Variants in HEXB observed in about 807,000 individuals in gnomAD.
HEXB encodes hexosaminidase subunit beta, also known as beta-hexosaminidase subunit beta.
Under a neutral mutation model 71.2 loss-of-function variants are expected in HEXB, and 51 were observed. The observed-to-expected ratio is 0.72, with a 90% CI of 0.57 to 0.90. The LOEUF (loss-of-function observed/expected upper bound fraction) is 0.90. Ranked by LOEUF, HEXB falls within the 40% of genes least tolerant of loss-of-function variation. The pLI is 0.00. For missense variants in HEXB, 617 were observed against 677.0 expected (o/e 0.91, Z 0.98); for synonymous variants, 266 against 249.3 (o/e 1.07, Z -0.63).
At chr5:74,719,983 T>C (rs1038915455) in intron 11 of HEXB, 3 of 183,268 alleles carry the variant, frequency 1.6e-5, no homozygotes, top group African/African-American at 7.2e-5. Context: ...CAATTTCTGT[T>C]TTAAATGCCA....
chr5:74,717,609 A>G (rs1218657743), intron 9 of HEXB, among the ~76,000 whole-genome samples: 3 of 152,042 alleles, frequency 2.0e-5, no homozygotes, highest in Admixed American at 2.0e-4. Context: ...GCCACATACA[A>G]TTGCCCATGG....
At chr5:74,713,358 A>G (rs896554060) in intron 6 of HEXB, 148 bp from the exon 7 acceptor site, 1 of 737,574 alleles carries the variant, frequency 1.4e-6, no homozygotes, top group Non-Finnish European at 2.3e-6. Context: ...ATTATTTTTA[A>G]ATGAGTCATC....
At chr5:74,664,448 A>AAAC (rs1748396398) in intron 1 of HEXB, among the ~76,000 whole-genome samples, 1 of 126,540 alleles carries the variant, frequency 7.9e-6, no homozygotes, top group Non-Finnish European at 1.7e-5. Flanking sequence ...AAAAAAAAAA[A>AAAC]AAAAACAGAG....
rs373061260 is a variant in HEXB at position 74,664,615 on chromosome 5, C to T, written c.-377+24057C>T. Among the ~76,000 whole-genome samples, 15 of 151,260 alleles carry T rather than the reference C, an allele frequency of 9.9e-5. No individual in the cohort carries two copies. In the South Asian group the frequency reaches 1.9e-3, roughly 19 times the overall value. On this transcript the variant is annotated intron_variant, in intron 1 of 13. Transcript: ENST00000511181. ...AAACAAATTTAAGAAAAGTGGAAATCGATAATCTGATTTCAAGCTGGGAAA... is the reference window on the plus strand; with the variant it reads ...AAACAAATTTAAGAAAAGTGGAAATTGATAATCTGATTTCAAGCTGGGAAA...
chr5:74,689,061 A>G (rs188736737), intron 1 of HEXB, among the ~76,000 whole-genome samples: 2 of 152,268 alleles, frequency 1.3e-5, no homozygotes, highest in Admixed American at 6.5e-5. Flanking sequence ...ACGGGGCTTC[A>G]TATGTCACTT....
At chr5:74,663,002 T>C (rs1188974515) in intron 1 of HEXB, among the ~76,000 whole-genome samples, 1 of 152,198 alleles carries the variant, frequency 6.6e-6, no homozygotes, top group East Asian at 1.9e-4. Context: ...GATTTTTTAA[T>C]TCTTCAAACC....
In HEXB at chr5:74,718,821, G is replaced by A. The variant is rs1170277224; in HGVS notation, c.1267G>A (p.Val423Ile). 1.2e-6 allele frequency: 2 copies of A among 1,614,010 alleles called. No homozygotes were observed. Among genetic ancestry groups the A allele is most frequent in the African/African-American group, 2.7e-5 (2 of 74,914 alleles). Reference sequence around the variant, plus strand: ...GCTTGCGCCGGGCACAATAGTTGAAGTATGGAAAGACAGCGCATATCCTGA... The same window carrying A: ...GCTTGCGCCGGGCACAATAGTTGAAATATGGAAAGACAGCGCATATCCTGA... ...AKLAPGTIVE[V>I]WKDSAYPEEL... Residue 423 changes from valine to isoleucine, a missense_variant, in exon 11 of 14, where the codon GTA becomes ATA. By Grantham distance (29) the Val-to-Ile change is conservative. Coordinates refer to ENST00000261416, the MANE Select transcript of HEXB (RefSeq NM_000521.4).
chr5:74,698,421 CT>C (rs1749168975), intron 5 of HEXB, among the ~76,000 whole-genome samples: 1 of 148,586 alleles, frequency 6.7e-6, no homozygotes, highest in South Asian at 2.1e-4. Context: ...TAGTTGAAGT[CT>C]TGCTCTGTCG....
At chr5:74,694,280 G>A (rs1267849911) in intron 3 of HEXB, among the ~76,000 whole-genome samples, 2 of 152,222 alleles carry the variant, frequency 1.3e-5, no homozygotes, top group Non-Finnish European at 2.9e-5. Flanking sequence ...GGACTGTAAT[G>A]TTTATAGCAC....
chr5:74,674,991 A>C (rs11748221), intron 1 of HEXB, among the ~76,000 whole-genome samples: 21,958 of 152,182 alleles, frequency 0.14, 1,830 homozygotes, highest in East Asian at 0.26. Flanking sequence ...TGGTAAAGAA[A>C]AAATTATTTG....
Position 74,720,475 on chromosome 5 carries a change from TG to T in HEXB, c.1469del (p.Gly490GlufsTer40). Reference sequence around the variant, plus strand: ...TTTCATTGGTGGAGAAGCTTGTCTATGGGGAGAATATGTGGATGCAACTAAC... The same window carrying T: ...TTTCATTGGTGGAGAAGCTTGTCTATGGGAGAATATGTGGATGCAACTAAC... ...QLFIGGEACL[W>X]GEYVDATNLT... On this transcript the variant is annotated frameshift_variant, in exon 12 of 14. Coordinates refer to ENST00000261416, the MANE Select transcript of HEXB (RefSeq NM_000521.4). LOFTEE classifies it high-confidence loss of function. 1 of 1,613,740 alleles carries T rather than the reference TG, an allele frequency of 6.2e-7. No individual in the cohort carries two copies. Among genetic ancestry groups the T allele is most frequent in the African/African-American group, 1.3e-5 (1 of 75,050 alleles).
intron 5 of HEXB, among the ~76,000 whole-genome samples, chr5:74,700,163 C>T (rs1749228582): frequency 6.6e-6 from 1 of 151,244 alleles, no homozygotes; most frequent in South Asian, 2.1e-4. Flanking sequence ...TGCACCACCA[C>T]ACCCGGCTAA....
At chr5:74,658,633 G>C (rs2112085120) in intron 1 of HEXB, among the ~76,000 whole-genome samples, 1 of 152,132 alleles carries the variant, frequency 6.6e-6, no homozygotes. Context: ...AGCTTCCCTG[G>C]GTGGTAATAT....
chr5:74,665,414 C>G (rs931991180), intron 1 of HEXB, among the ~76,000 whole-genome samples: 5 of 150,094 alleles, frequency 3.3e-5, no homozygotes, highest in Admixed American at 1.3e-4. Context: ...ACACTTTTCT[C>G]TGTGTGTGTG....
intron 9 of HEXB, among the ~76,000 whole-genome samples, chr5:74,717,066 T>A (rs542141534): frequency 4.3e-4 from 66 of 152,296 alleles, no homozygotes; most frequent in African/African-American, 1.5e-3. Context: ...GGCAGGTGCC[T>A]GTAGTCCCAG....
rs892749115 is a variant in HEXB, at chr5:74,641,894, C to G, written c.-377+1336C>G. Among the ~76,000 whole-genome samples, 1 of 152,172 alleles carries G rather than the reference C, an allele frequency of 6.6e-6. No individual in the cohort carries two copies. Among genetic ancestry groups the G allele is most frequent in the African/African-American group, 2.4e-5 (1 of 41,438 alleles). On this transcript the variant is annotated intron_variant, in intron 1 of 13. Coordinates refer to the HEXB transcript ENST00000511181. The surrounding 1 kb of genome is among the most constrained non-coding windows in gnomAD (Gnocchi z 4.1). Reference sequence around the variant, plus strand: ...CGAGGCCCAGGGAGATGTGAATTGCCTGGCTCGTAGTCACTTAGCAACAAT... The same window carrying G: ...CGAGGCCCAGGGAGATGTGAATTGCGTGGCTCGTAGTCACTTAGCAACAAT...
chr5:74,691,001 T>C (rs3776484), intron 2 of HEXB, among the ~76,000 whole-genome samples: 31,372 of 152,092 alleles, frequency 0.21, 3,464 homozygotes, highest in African/African-American at 0.26. Context: ...TGCTGTCCAT[T>C]GGCAATACAG....
At chr5:74,689,231 T>C in intron 1 of HEXB, 97 bp from the exon 2 acceptor site, 1 of 904,654 alleles carries the variant, frequency 1.1e-6, no homozygotes, top group South Asian at 1.3e-5. Context: ...ATGGGCAGCA[T>C]GGATTTGAGG....
chr5:74,673,646 T>C (rs1422427074), intron 1 of HEXB, among the ~76,000 whole-genome samples: 1 of 152,164 alleles, frequency 6.6e-6, no homozygotes, highest in Admixed American at 6.5e-5. Context: ...TTTCTGCTCA[T>C]TAGATGTGAT....
Sources: allele counts gnomAD v4.1 joint callset (sites outside exome capture counted in the v4.1 genomes callset), GRCh38; gene constraint gnomAD v4.1.1; non-coding constraint Gnocchi (gnomAD v3.1); transcripts MANE v1.5; gene names NCBI Gene and HGNC (gene_info 2026-07-23, HGNC 2026-07-21).